Variants in VMP1 observed in about 807,000 individuals in gnomAD.
The protein encoded by VMP1 is ectopic P-granules autophagy protein 3 homolog.
Under a neutral mutation model 56.0 loss-of-function variants are expected in VMP1, and 11 were observed. The observed-to-expected ratio is 0.20, with a 90% confidence interval of 0.12 to 0.32. The LOEUF is 0.32. Among genes scored for constraint, VMP1 ranks in the 10% least tolerant of loss-of-function variants. The pLI is 1.00. For missense variants in VMP1, 296 were observed against 490.3 expected, an observed-to-expected ratio of 0.60 and a Z score of 3.74; for synonymous variants, 149 against 165.0, an observed-to-expected ratio of 0.90 and a Z score of 0.74.
chr17:59,729,465 A>G (rs1467433824), intron 1 of VMP1, among the ~76,000 whole-genome samples: 3 of 147,086 alleles, frequency 2.0e-5, no homozygotes, highest in Admixed American at 1.4e-4. Context: ...CCTGAGCGAC[A>G]GAGACTCCAT....
At chr17:59,824,872 CAAAAAA>C (rs1204824277) in intron 10 of VMP1, among the ~76,000 whole-genome samples, 1 of 62,996 alleles carries the variant, frequency 1.6e-5, no homozygotes, top group Non-Finnish European at 3.0e-5. Context: ...GACTCCGTCT[CAAAAAA>C]AAAAAAAAAA....
chr17:59,789,290 GTTTAC>G (rs2144110956), intron 7 of VMP1, among the ~76,000 whole-genome samples: 1 of 150,990 alleles, frequency 6.6e-6, no homozygotes, highest in East Asian at 1.9e-4. Context: ...GGGCGCAGTG[GTTTAC>G]GCCTATAATC....
At chr17:59,718,449 G>A (rs1282017819) in intron 1 of VMP1, among the ~76,000 whole-genome samples, 1 of 151,684 alleles carries the variant, frequency 6.6e-6, no homozygotes, top group Non-Finnish European at 1.5e-5. Context: ...GCCCGCCTCG[G>A]CCTCCCAAAG....
At chr17:59,718,840 C>T (rs2034277147) in intron 1 of VMP1, among the ~76,000 whole-genome samples, 1 of 151,922 alleles carries the variant, frequency 6.6e-6, no homozygotes, top group South Asian at 2.1e-4. Flanking sequence ...CAGCCCTCCC[C>T]AAGACCTTAG....
At chr17:59,756,345 A>T (rs1477211881) in intron 5 of VMP1, among the ~76,000 whole-genome samples, 2 of 152,242 alleles carry the variant, frequency 1.3e-5, no homozygotes, top group East Asian at 3.8e-4. Flanking sequence ...TCACCCAGAT[A>T]TTCCTAATGA....
intron 5 of VMP1, among the ~76,000 whole-genome samples, chr17:59,754,952 G>A (rs2035781466): frequency 6.7e-6 from 1 of 149,598 alleles, no homozygotes; most frequent in Non-Finnish European, 1.5e-5. Context: ...TTGTTGTTGA[G>A]CATACATTTT....
At chr17:59,723,931 A>G (rs1341953967) in intron 1 of VMP1, among the ~76,000 whole-genome samples, 1 of 152,332 alleles carries the variant, frequency 6.6e-6, no homozygotes, top group East Asian at 1.9e-4. Flanking sequence ...AAAATGTAAC[A>G]GGGCTGGATA....
chr17:59,838,117 T>TTG (rs2039041150), intron 10 of VMP1, 178 bp from the exon 11 acceptor site: 1 of 282,382 alleles, frequency 3.5e-6, no homozygotes, highest in African/African-American at 2.2e-5. Context: ...TTTTTTTTTT[T>TTG]TTTTAACTAA....
rs190864788 is a variant in VMP1 at position 59,787,346 on chromosome 17, C to G, written c.714+13461C>G. Among the ~76,000 whole-genome samples, 30 of 152,254 alleles carry G rather than the reference C, an allele frequency of 2.0e-4. No homozygotes were observed. In the East Asian group the frequency reaches 3.9e-3, roughly 20 times the overall value. ...TAATCTTTCTCCCTTTTAATTTCTT[C>G]TATTTCTTTAACTCATTCCCATATT... On this transcript the variant is annotated intron_variant, in intron 7 of 11. Coordinates refer to ENST00000262291, the MANE Select transcript of VMP1 (RefSeq NM_030938.5).
intron 6 of VMP1, among the ~76,000 whole-genome samples, chr17:59,771,057 CTGTT>C (rs1203017136): frequency 6.7e-6 from 1 of 149,378 alleles, no homozygotes; most frequent in Non-Finnish European, 1.5e-5. Context: ...GATACAATGT[CTGTT>C]TGTCCTTCCT....
intron 2 of VMP1, among the ~76,000 whole-genome samples, chr17:59,734,869 ATCT>A (rs1305634222): frequency 7.0e-6 from 1 of 143,716 alleles, no homozygotes; most frequent in Non-Finnish European, 1.5e-5. Context: ...ACTGTCATTC[ATCT>A]TCTTTCTATG....
In VMP1 at chr17:59,841,851, A is replaced by C. The variant is rs2039166824; in HGVS notation, c.*1940A>C. 6.6e-6 allele frequency: 1 copy of C among 152,182 alleles called. No homozygotes were observed. The highest frequency in any genetic ancestry group is 1.5e-5 in the Non-Finnish European group (1 of 68,034). The allele number at this position is 152,182 out of a possible 1,614,324, so 9.4% of individuals were successfully genotyped here. ...AATCTTTGGGATTCATTGGCAAATA[A>C]TTTCAGTGTGGTGTATTATTAAATA... On this transcript the variant is annotated 3_prime_UTR_variant, in exon 12 of 12. Transcript: ENST00000262291.
intron 6 of VMP1, among the ~76,000 whole-genome samples, chr17:59,769,559 A>C (rs2036355404): frequency 6.6e-6 from 1 of 152,242 alleles, no homozygotes; most frequent in African/African-American, 2.4e-5. Flanking sequence ...ATCTTTGAAT[A>C]AAATTAGCAC....
At chr17:59,829,782 GA>G (rs2038754914) in intron 10 of VMP1, among the ~76,000 whole-genome samples, 1 of 152,056 alleles carries the variant, frequency 6.6e-6, no homozygotes, top group Admixed American at 6.6e-5. Flanking sequence ...CTTGTAATGG[GA>G]GTAGGATAGG....
At chr17:59,754,575 A>G (rs917349303) in intron 5 of VMP1, among the ~76,000 whole-genome samples, 1 of 152,162 alleles carries the variant, frequency 6.6e-6, no homozygotes, top group Non-Finnish European at 1.5e-5. Context: ...TTTTAAGACA[A>G]AAAAGAAATT....
intron 1 of VMP1, among the ~76,000 whole-genome samples, chr17:59,719,064 A>G (rs2034286908): frequency 6.6e-6 from 1 of 152,110 alleles, no homozygotes; most frequent in Admixed American, 6.5e-5. Flanking sequence ...CAAGTGGAAA[A>G]CTATATCAAA....
In VMP1 at chr17:59,747,555, G is replaced by A. The variant is rs1339260959; in HGVS notation, c.414+8608G>A. ...TTAGCAGGTAGCTGGGATTACAGTC[G>A]CGTGCCACTACCGCCCAGCTAATTT... is the stretch of plus-strand genomic sequence containing the variant. On this transcript the variant is annotated intron_variant, in intron 5 of 11. Coordinates refer to ENST00000262291, the MANE Select transcript of VMP1 (RefSeq NM_030938.5). Among the ~76,000 whole-genome samples the A allele has an allele frequency of 2.0e-5, 3 of 151,408 alleles. No homozygotes were observed. The South Asian group carries it at 6.3e-4, about 32-fold the overall frequency.
chr17:59,711,182 A>G (rs1236262370), intron 1 of VMP1, among the ~76,000 whole-genome samples: 2 of 150,678 alleles, frequency 1.3e-5, no homozygotes, highest in Non-Finnish European at 1.5e-5. Flanking sequence ...ATATTTTGTT[A>G]TGTTAATTAT....
At chr17:59,834,627 T>C (rs2144337050) in intron 10 of VMP1, among the ~76,000 whole-genome samples, 1 of 25,860 alleles carries the variant, frequency 3.9e-5, no homozygotes, top group East Asian at 6.9e-4. Flanking sequence ...GCCCAGCTAA[T>C]TTTTTTTTTT....
Sources: gnomAD v4.1 joint callset for allele counts (sites outside exome capture counted in the v4.1 genomes callset) on GRCh38, gnomAD v4.1.1 for gene constraint, MANE v1.5 for transcripts, NCBI Gene and HGNC (gene_info 2026-07-23, HGNC 2026-07-21) for gene names.